Variants in PCDHGB3 observed in about 807,000 individuals in gnomAD.
PCDHGB3 encodes protocadherin gamma subfamily B, 3, also known as protocadherin gamma-B3.
A neutral mutation model predicts 59.2 loss-of-function variants in PCDHGB3; 40 were observed. The ratio of observed to expected loss-of-function variants is 0.68; its 90% CI spans 0.52 to 0.88. The LOEUF (loss-of-function observed/expected upper bound fraction) is 0.88, where lower values mean the gene tolerates loss of function less well. Among genes scored for constraint, PCDHGB3 ranks in the 40% least tolerant of loss-of-function variants. The probability of loss-of-function intolerance (pLI) is 0.00; values close to 1 mark genes in which losing one functional copy is unlikely to be tolerated. For synonymous variants in PCDHGB3, 581 were observed against 503.6 expected (o/e 1.15, Z -2.06); for missense variants, 1,309 against 1,187.9 (o/e 1.10, Z -1.50).
At chr5:141,442,033 G>T (rs2098292928) in intron 1 of PCDHGB3, 1 of 209,534 alleles carries the variant, frequency 4.8e-6, no homozygotes, top group Non-Finnish European at 9.8e-6. Context: ...AAAGCGACTC[G>T]CCAGCGCCTA....
chr5:141,499,689 C>CTTTTTTTT (rs545067566), intron 2 of PCDHGB3, among the ~76,000 whole-genome samples: 2 of 119,854 alleles, frequency 1.7e-5, no homozygotes, highest in Non-Finnish European at 1.7e-5. Context: ...TAACAGATGA[C>CTTTTTTTT]TTTTTTTTTT....
At chr5:141,413,500 A>C (rs1422297029) in intron 1 of PCDHGB3, 2 of 1,614,034 alleles carry the variant, frequency 1.2e-6, no homozygotes, top group South Asian at 1.1e-5. Flanking sequence ...GTGCGTGGTG[A>C]GTTTTAATAT....
intron 1 of PCDHGB3, chr5:141,478,479 C>T (rs750055106): frequency 1.9e-6 from 3 of 1,613,550 alleles, no homozygotes; most frequent in Admixed American, 1.7e-5. Context: ...CGCCAGAACA[C>T]GCTGCGGAGC....
intron 3 of PCDHGB3, among the ~76,000 whole-genome samples, chr5:141,509,807 C>T (rs369661041): frequency 2.0e-5 from 3 of 152,104 alleles, no homozygotes; most frequent in Non-Finnish European, 4.4e-5. Context: ...TTCATAGAGC[C>T]GAGCTCTTCT....
chr5:141,394,521 G>C, intron 1 of PCDHGB3: 1 of 1,614,212 alleles, frequency 6.2e-7, no homozygotes, highest in Non-Finnish European at 8.5e-7. Context: ...CCTCCCCACA[G>C]ACGGTTCCAC....
chr5:141,506,834 C>T (rs2099856597), intron 3 of PCDHGB3, among the ~76,000 whole-genome samples: 1 of 152,140 alleles, frequency 6.6e-6, no homozygotes, highest in Non-Finnish European at 1.5e-5. Flanking sequence ...ACTGATAGCC[C>T]TGCCCTCCAG....
chr5:141,503,471 C>A (rs2099820129), intron 2 of PCDHGB3, among the ~76,000 whole-genome samples: 1 of 151,836 alleles, frequency 6.6e-6, no homozygotes, highest in African/African-American at 2.4e-5. Context: ...GGCATGTGTG[C>A]ACTTGTCGTC....
At chr5:141,449,588 CA>C (rs768743917) in intron 1 of PCDHGB3, among the ~76,000 whole-genome samples, 1,277 of 57,494 alleles carry the variant, frequency 0.022, 7 homozygotes, top group Middle Eastern at 0.041. Flanking sequence ...GACTCTGTCT[CA>C]AAAAAAAAAA....
intron 1 of PCDHGB3, among the ~76,000 whole-genome samples, chr5:141,454,491 C>T (rs956727548): frequency 6.6e-6 from 1 of 152,194 alleles, no homozygotes; most frequent in South Asian, 2.1e-4. Context: ...ACCGCAACCT[C>T]CACCTCCTGG....
intron 1 of PCDHGB3, chr5:141,422,315 C>T: frequency 6.5e-7 from 1 of 1,547,896 alleles, no homozygotes; most frequent in Non-Finnish European, 8.7e-7. Flanking sequence ...AACTCTCCTC[C>T]AGGTACAGTG....
At chr5:141,435,497 C>T (rs1234443531) in intron 1 of PCDHGB3, among the ~76,000 whole-genome samples, 1 of 152,154 alleles carries the variant, frequency 6.6e-6, no homozygotes, top group African/African-American at 2.4e-5. Context: ...ATTTCCTACA[C>T]TAATGATACT....
intron 1 of PCDHGB3, chr5:141,395,553 TG>T: frequency 1.2e-5 from 1 of 84,110 alleles, no homozygotes; most frequent in Non-Finnish European, 2.1e-5. Context: ...TGTGTGTGTG[TG>T]TGTGTGTGTG....
At chr5:141,419,761 C>A in intron 1 of PCDHGB3, 1 of 1,614,008 alleles carries the variant, frequency 6.2e-7, no homozygotes, top group South Asian at 1.1e-5. Context: ...CTTTGGGTGA[C>A]AAGGACTCGG....
intron 1 of PCDHGB3, among the ~76,000 whole-genome samples, chr5:141,468,747 T>A (rs2099176715): frequency 6.6e-6 from 1 of 151,990 alleles, no homozygotes; most frequent in South Asian, 2.1e-4. Context: ...GTGCCTGTAG[T>A]CCCAGCTACT....
rs139153105 is a variant in PCDHGB3 at position 141,432,400 on chromosome 5, G to T, written c.2415+59591G>T. 3.1e-6 allele frequency: 5 copies of T among 1,614,122 alleles called. No homozygotes were observed. In the African/African-American group the frequency reaches 4.0e-5, roughly 13 times the overall value. ...ACCCGCCCCTCAGCAGCAACGTGTC[G>T]TTGAGCCTGTTCGTGCTGGACCAGA... On this transcript the variant is annotated intron_variant, in intron 1 of 3. Transcript: ENST00000576222. The surrounding 1 kb of genome is among the most constrained non-coding windows in gnomAD (Gnocchi z 6.0).
intron 1 of PCDHGB3, chr5:141,419,588 A>C: frequency 6.2e-7 from 1 of 1,611,830 alleles, no homozygotes; most frequent in Non-Finnish European, 8.5e-7. Flanking sequence ...GCTCTTCGAC[A>C]CAGTGCCGCG....
In PCDHGB3 at chr5:141,370,501, C is replaced by G; in HGVS notation, c.107C>G (p.Ala36Gly). Residue 36 changes from alanine (A) to glycine (G), a missense_variant, in exon 1 of 4, where the codon GCT becomes GGT. Coordinates refer to ENST00000576222, the MANE Select transcript of PCDHGB3 (RefSeq NM_018924.5). ...DQALSEPIRYAIPEELDRGSL... is the reference protein window; with the variant it reads ...DQALSEPIRYGIPEELDRGSL... ...GCTCTCTCCGAACCGATCCGCTACG[C>G]TATTCCCGAGGAGCTGGACAGGGGC... is the stretch of plus-strand genomic sequence containing the variant. 6.2e-7 allele frequency: 1 copy of G among 1,613,952 alleles called. No homozygotes were observed. Among genetic ancestry groups the G allele is most frequent in the South Asian group, 1.1e-5 (1 of 91,086 alleles).
At chr5:141,452,354 G>C (rs2154563893) in intron 1 of PCDHGB3, among the ~76,000 whole-genome samples, 1 of 152,240 alleles carries the variant, frequency 6.6e-6, no homozygotes, top group Non-Finnish European at 1.5e-5. Flanking sequence ...TTATCCAAAA[G>C]CCTTGCTTCA....
chr5:141,371,372 T>A lies in PCDHGB3; in HGVS notation c.978T>A (p.His326Gln), dbSNP rs73265849. ...GGGTGGAAGCAAAGGATGGTGGACA[T>A]CACACTGCATATTGTAAAGTACAGA... is the stretch of plus-strand genomic sequence containing the variant. ...TIGVEAKDGG[H>Q]HTAYCKVQID... The change falls in exon 1 of 4, where the codon CAT becomes CAA. Residue 326 changes from histidine to glutamine, a missense_variant. Physicochemically the swap from His to Gln is conservative, Grantham distance 24 (BLOSUM62 0). Transcript: ENST00000576222. 2,400 of 1,613,952 alleles carry A rather than the reference T, an allele frequency of 1.5e-3. 32 individuals are homozygous for A. In the African/African-American group the frequency reaches 0.028, roughly 19 times the overall value.
Sources: allele counts gnomAD v4.1 joint callset (sites outside exome capture counted in the v4.1 genomes callset), GRCh38; gene constraint gnomAD v4.1.1; non-coding constraint Gnocchi (gnomAD v3.1); transcripts MANE v1.5; gene names NCBI Gene and HGNC (gene_info 2026-07-23, HGNC 2026-07-21).